Variants in RIMS2 observed in about 807,000 individuals in gnomAD.
The protein encoded by RIMS2 is regulating synaptic membrane exocytosis protein 2.
A neutral mutation model predicts 174.4 loss-of-function variants in RIMS2; 59 were observed. That is an observed-to-expected ratio of 0.34 (90% CI 0.27 to 0.42). RIMS2 has a LOEUF of 0.42. Among genes scored for constraint, RIMS2 ranks in the 10% least tolerant of loss-of-function variants. The pLI is 1.00. For synonymous variants in RIMS2, 606 were observed against 572.5 expected (o/e 1.06, Z -0.84); for missense variants, 1,620 against 1,666.3 (o/e 0.97, Z 0.48).
rs73291825 is a variant in RIMS2 at position 103,764,040 on chromosome 8, A to G, written c.388-2187A>G. 5.0e-3 allele frequency among the ~76,000 whole-genome samples: 765 copies of G among 152,332 alleles called. 8 individuals are homozygous for G. The highest frequency in any genetic ancestry group is 0.017 in the African/African-American group (726 of 41,574). ...GGCACTGCCCCAGAGTTTCCTATTCAGTAAGTCTGGGGTGGGACCTGGGAA... is the reference window on the plus strand; with the variant it reads ...GGCACTGCCCCAGAGTTTCCTATTCGGTAAGTCTGGGGTGGGACCTGGGAA... On this transcript the variant is annotated intron_variant, in intron 2 of 23. Coordinates refer to ENST00000504942, the Ensembl canonical transcript of RIMS2.
At chr8:103,763,902 T>C (rs1169812033) in intron 2 of RIMS2, among the ~76,000 whole-genome samples, 2 of 152,170 alleles carry the variant, frequency 1.3e-5, no homozygotes, top group Non-Finnish European at 2.9e-5. Flanking sequence ...CTGAGGAGCA[T>C]ACTTGTAACC....
chr8:103,682,022 C>A (rs1319657537), intron 1 of RIMS2, among the ~76,000 whole-genome samples: 1 of 151,866 alleles, frequency 6.6e-6, no homozygotes, highest in East Asian at 1.9e-4. Flanking sequence ...CAGAGTAATT[C>A]CAGATTTCAG....
chr8:103,998,889 T>A (rs1017288464), intron 17 of RIMS2, among the ~76,000 whole-genome samples: 94 of 151,838 alleles, frequency 6.2e-4, no homozygotes, highest in African/African-American at 2.2e-3. Flanking sequence ...AAATATAATT[T>A]ACATTGGAGG....
At chr8:104,068,725 C>T (rs921218342) in intron 19 of RIMS2, 113 bp downstream of exon 23, 1 of 602,340 alleles carries the variant, frequency 1.7e-6, no homozygotes, top group African/African-American at 1.9e-5. Flanking sequence ...ATGCCATGGC[C>T]CCATGATATT....
intron 21 of RIMS2, among the ~76,000 whole-genome samples, chr8:104,249,239 A>C (rs897660591): frequency 6.6e-6 from 1 of 151,908 alleles, no homozygotes; most frequent in African/African-American, 2.4e-5. Context: ...AGCCCAGTGG[A>C]ATCTTTAACA....
chr8:103,819,508 A>G, intron 3 of RIMS2: 2 of 1,611,200 alleles, frequency 1.2e-6, no homozygotes, highest in Non-Finnish European at 1.7e-6. Context: ...AAGAAAGAAA[A>G]TGCAATTTGA....
chr8:103,936,200 T>C, intron 12 of RIMS2, among the ~76,000 whole-genome samples: 2 of 152,298 alleles, frequency 1.3e-5, no homozygotes, highest in East Asian at 3.9e-4. Flanking sequence ...TACTGGTTAA[T>C]TATCATTTAG....
chr8:103,622,373 T>G (rs1238769327), intron 1 of RIMS2, among the ~76,000 whole-genome samples: 2 of 152,174 alleles, frequency 1.3e-5, no homozygotes, highest in Non-Finnish European at 2.9e-5. Flanking sequence ...TCTAAGTGTT[T>G]TTTTAATGCA....
At chr8:103,572,519 A>G (rs981348987) in intron 1 of RIMS2, among the ~76,000 whole-genome samples, 1 of 151,710 alleles carries the variant, frequency 6.6e-6, no homozygotes, top group Non-Finnish European at 1.5e-5. Context: ...TCACACCAAC[A>G]GTATGTAAGC....
chr8:103,947,102 T>C (rs916673930), intron 14 of RIMS2, among the ~76,000 whole-genome samples: 1 of 152,204 alleles, frequency 6.6e-6, no homozygotes, highest in Non-Finnish European at 1.5e-5. Context: ...AAAATTAACT[T>C]AAAATGGATA....
At chr8:104,107,404 G>T (rs1397090652) in intron 19 of RIMS2, among the ~76,000 whole-genome samples, 1 of 151,906 alleles carries the variant, frequency 6.6e-6, no homozygotes, top group Non-Finnish European at 1.5e-5. Flanking sequence ...ATCTATCATG[G>T]TTGATTAGTT....
At chr8:103,724,094 C>G (rs2097494860) in intron 2 of RIMS2, among the ~76,000 whole-genome samples, 1 of 135,288 alleles carries the variant, frequency 7.4e-6, no homozygotes, top group African/African-American at 2.7e-5. Context: ...TGGCACTGTA[C>G]TGCAGGGATG....
intron 19 of RIMS2, among the ~76,000 whole-genome samples, chr8:104,129,255 G>A (rs976933796): frequency 3.2e-4 from 49 of 151,958 alleles, no homozygotes; most frequent in Non-Finnish European, 1.6e-4. Context: ...GTGTGGCAGT[G>A]CAATCCTGTA....
chr8:104,105,181 G>A (rs557207909), intron 19 of RIMS2, among the ~76,000 whole-genome samples: 33 of 152,244 alleles, frequency 2.2e-4, no homozygotes, highest in African/African-American at 7.7e-4. Flanking sequence ...ACCAGAAAGG[G>A]AATAAAAGGG....
chr8:103,818,128 G>A (rs2098729597), intron 3 of RIMS2, among the ~76,000 whole-genome samples: 1 of 152,060 alleles, frequency 6.6e-6, no homozygotes, highest in South Asian at 2.1e-4. Context: ...TTTAATTTGT[G>A]TTGTTCTTTT....
At chr8:103,814,860 A>G (rs963368986) in intron 3 of RIMS2, among the ~76,000 whole-genome samples, 1 of 152,182 alleles carries the variant, frequency 6.6e-6, no homozygotes, top group African/African-American at 2.4e-5. Flanking sequence ...AAATATCTAT[A>G]TCTATACTGA....
At chr8:103,782,868 T>A (rs907646745) in intron 3 of RIMS2, among the ~76,000 whole-genome samples, 1 of 152,260 alleles carries the variant, frequency 6.6e-6, no homozygotes, top group Non-Finnish European at 1.5e-5. Context: ...CATCTCCATT[T>A]ATATTATAGA....
intron 4 of RIMS2, chr8:103,910,080 C>T: frequency 9.3e-7 from 1 of 1,070,870 alleles, no homozygotes; most frequent in Non-Finnish European, 1.4e-6. Flanking sequence ...ATGTCTCTGT[C>T]TGTCCCTTTT....
rs1013505029 is a variant in RIMS2 at position 103,608,314 on chromosome 8, G to T, written c.177-88772G>T. ...GTGCCTCCCAGTTAGGCTGCTCGGG[G>T]GTCAGGGACCCACTTGAGGAGGCAG... is the stretch of plus-strand genomic sequence containing the variant. On this transcript the variant is annotated intron_variant, in intron 1 of 23. Transcript: ENST00000504942. Among the ~76,000 whole-genome samples the T allele has an allele frequency of 1.8e-4, 26 of 143,466 alleles. 3 individuals are homozygous for T. Among genetic ancestry groups the T allele is most frequent in the Non-Finnish European group, 3.7e-4 (24 of 65,386 alleles). The allele number at this position is 143,466 out of a possible 152,430, so 94.1% of individuals were successfully genotyped here. A position where few individuals can be genotyped will look rare whatever the true frequency, so the allele number is the denominator to read the frequency against.
Sources: gnomAD v4.1 joint callset for allele counts (sites outside exome capture counted in the v4.1 genomes callset) on GRCh38, gnomAD v4.1.1 for gene constraint, MANE v1.5 for transcripts, NCBI Gene and HGNC (gene_info 2026-07-23, HGNC 2026-07-21) for gene names.